PRELID2: variants seen among roughly 807,000 people sequenced by gnomAD.
The protein encoded by PRELID2 is PRELI domain-containing protein 2.
PRELID2 carries 25 observed loss-of-function variants against 28.4 expected under a neutral mutation model. The ratio of observed to expected loss-of-function variants is 0.88; its 90% CI spans 0.64 to 1.23. The LOEUF is 1.23. PRELID2 is among the 50% of genes most tolerant of loss of function. The pLI is 0.00. For synonymous variants in PRELID2, 76 were observed against 71.6 expected, an observed-to-expected ratio of 1.06 and a Z score of -0.31; for missense variants, 201 against 214.4, an observed-to-expected ratio of 0.94 and a Z score of 0.39.
intron 1 of PRELID2, among the ~76,000 whole-genome samples, chr5:145,547,024 G>C (rs566678914): frequency 6.6e-6 from 1 of 152,154 alleles, no homozygotes; most frequent in African/African-American, 2.4e-5. Context: ...GAAATGCTTA[G>C]CACAATGTCT....
chr5:145,808,622 C>A (rs929096155), intron 4 of PRELID2, among the ~76,000 whole-genome samples: 1 of 152,088 alleles, frequency 6.6e-6, no homozygotes, highest in African/African-American at 2.4e-5. Context: ...CAGAGACTCA[C>A]GCCAGGAATC....
chr5:145,748,187 G>A (rs534608312), intron 1 of PRELID2, among the ~76,000 whole-genome samples: 144 of 152,280 alleles, frequency 9.5e-4, no homozygotes, highest in African/African-American at 3.1e-3. Flanking sequence ...GAAATAAAGC[G>A]TATTCAAATA....
the PRELID2 span, among the ~76,000 whole-genome samples, chr5:145,414,578 T>A: frequency 0.013 from 1,981 of 152,332 alleles, 37 homozygotes; most frequent in African/African-American, 0.045. Context: ...TATGTTTAAG[T>A]AACTAGAAGA....
intron 1 of PRELID2, among the ~76,000 whole-genome samples, chr5:145,643,478 T>C (rs1184504607): frequency 1.3e-5 from 2 of 152,226 alleles, no homozygotes; most frequent in Non-Finnish European, 2.9e-5. Flanking sequence ...TTTGACTTCC[T>C]CTTTTCCTAT....
At chr5:145,429,780 A>G in the PRELID2 span, 1 of 152,208 alleles carries the variant, frequency 6.6e-6, no homozygotes, top group East Asian at 1.9e-4. Flanking sequence ...TGCTTTGACC[A>G]ATAGAATGTA....
chr5:145,409,762 A>C, the PRELID2 span, among the ~76,000 whole-genome samples: 1 of 151,874 alleles, frequency 6.6e-6, no homozygotes, highest in Non-Finnish European at 1.5e-5. Flanking sequence ...AAAAAAAAAA[A>C]AAAAGACAAA....
chr5:145,418,053 G>A, the PRELID2 span, among the ~76,000 whole-genome samples: 2 of 152,020 alleles, frequency 1.3e-5, no homozygotes, highest in Admixed American at 1.3e-4. Context: ...AAAGTCTCAG[G>A]ACATAAAGTC....
chr5:145,604,748 GTTTTT>G (rs377653737), intron 1 of PRELID2, among the ~76,000 whole-genome samples: 4,369 of 108,956 alleles, frequency 0.04, 266 homozygotes, highest in African/African-American at 0.14. Flanking sequence ...GTTTTTTTTG[GTTTTT>G]TTTTTTTTTT....
chr5:145,405,458 ACTTT>A, the PRELID2 span, among the ~76,000 whole-genome samples: 1 of 152,082 alleles, frequency 6.6e-6, no homozygotes, highest in African/African-American at 2.4e-5. Context: ...TATTAGTTCA[ACTTT>A]CTTAGAGTCC....
intron 1 of PRELID2, among the ~76,000 whole-genome samples, chr5:145,670,290 T>A (rs895474388): frequency 3.3e-5 from 5 of 152,034 alleles, no homozygotes; most frequent in African/African-American, 1.2e-4. Context: ...CCAGGCTCTT[T>A]TTAACAGTCA....
intron 1 of PRELID2, among the ~76,000 whole-genome samples, chr5:145,710,249 T>C (rs911573833): frequency 1.3e-5 from 2 of 152,186 alleles, no homozygotes; most frequent in Admixed American, 1.3e-4. Context: ...AGTATAAAAA[T>C]ATTTACTATC....
intron 1 of PRELID2, among the ~76,000 whole-genome samples, chr5:145,474,251 T>C (rs1260309617): frequency 6.6e-6 from 1 of 152,226 alleles, no homozygotes. Context: ...TTTTGTATTA[T>C]TTTATTAAAA....
At chr5:145,654,528 C>T (rs959991207) in intron 1 of PRELID2, among the ~76,000 whole-genome samples, 5 of 152,170 alleles carry the variant, frequency 3.3e-5, no homozygotes, top group Admixed American at 6.5e-5. Context: ...AATCCAGCAG[C>T]ACATCAAAAA....
At chr5:145,247,891 T>C in the PRELID2 span, among the ~76,000 whole-genome samples, 1 of 152,074 alleles carries the variant, frequency 6.6e-6, no homozygotes, top group Non-Finnish European at 1.5e-5. Context: ...TATACTGGCC[T>C]CAGCTAATCT....
intron 1 of PRELID2, among the ~76,000 whole-genome samples, chr5:145,601,673 CA>C (rs1258595548): frequency 1.5e-4 from 23 of 152,268 alleles, no homozygotes; most frequent in African/African-American, 5.3e-4. Context: ...GTCTAATAAG[CA>C]GGTCCACTTT....
the PRELID2 span, among the ~76,000 whole-genome samples, chr5:145,262,790 A>G: frequency 6.6e-6 from 1 of 152,176 alleles, no homozygotes; most frequent in African/African-American, 2.4e-5. Flanking sequence ...AAAAAAACAC[A>G]AAGTATTCAG....
At chr5:145,712,526 C>G (rs1006393882) in intron 1 of PRELID2, among the ~76,000 whole-genome samples, 1 of 152,048 alleles carries the variant, frequency 6.6e-6, no homozygotes, top group South Asian at 2.1e-4. Flanking sequence ...ATTGACCAGC[C>G]CTCTACACTA....
At chr5:145,369,308 G>A in the PRELID2 span, among the ~76,000 whole-genome samples, 2 of 151,984 alleles carry the variant, frequency 1.3e-5, no homozygotes, top group African/African-American at 2.4e-5. Flanking sequence ...GGTGTGTGTT[G>A]TTTCCCTCAC....
At chr5:145,273,887 T>C in the PRELID2 span, among the ~76,000 whole-genome samples, 8 of 152,012 alleles carry the variant, frequency 5.3e-5, no homozygotes, top group Non-Finnish European at 1.0e-4. Flanking sequence ...GCATAGGCAA[T>C]GACATGGACA....
Sources: gnomAD v4.1 joint callset for allele counts (sites outside exome capture counted in the v4.1 genomes callset) on GRCh38, gnomAD v4.1.1 for gene constraint, MANE v1.5 for transcripts, NCBI Gene and HGNC (gene_info 2026-07-23, HGNC 2026-07-21) for gene names.